Variants in AMDHD1 observed in about 807,000 individuals in gnomAD.
AMDHD1 encodes the protein probable imidazolonepropionase.
A neutral mutation model predicts 44.1 loss-of-function variants in AMDHD1; 45 were observed. The ratio of observed to expected loss-of-function variants is 1.02; its 90% CI spans 0.80 to 1.31. The LOEUF is 1.31. Ranked by LOEUF, AMDHD1 falls within the 50% of genes most tolerant of loss-of-function variation. AMDHD1 has a pLI of 0.00. For synonymous variants in AMDHD1, 206 were observed against 205.0 expected, an observed-to-expected ratio of 1.00 and a Z score of -0.04; for missense variants, 586 against 552.1, an observed-to-expected ratio of 1.06 and a Z score of -0.61.
Position 95,943,388 on chromosome 12 carries a change from C to A in AMDHD1, c.-11C>A. 6.7e-7 allele frequency: 1 copy of A among 1,490,990 alleles called. No homozygotes were observed. Among genetic ancestry groups the A allele is most frequent in the South Asian group, 1.2e-5 (1 of 80,088 alleles). 92.4% of individuals were successfully genotyped at this position (1,490,990 alleles called of 1,614,324 possible). On this transcript the variant is annotated 5_prime_UTR_variant, in exon 1 of 9. Coordinates refer to ENST00000266736, the MANE Select transcript of AMDHD1 (RefSeq NM_152435.3). ...CCGGTGGCCTCCCGGCGACCCTCGG[C>A]GCGAGGCGACATGGCAAGCGGCCAC... is the stretch of plus-strand genomic sequence containing the variant.
intron 1 of AMDHD1, among the ~76,000 whole-genome samples, chr12:95,944,849 T>C (rs1474307797): frequency 6.6e-6 from 1 of 152,176 alleles, no homozygotes. Flanking sequence ...ATTATATCAA[T>C]GCGACCAGGC....
chr12:95,955,035 A>G (rs2080543614), intron 3 of AMDHD1, 60 bp downstream of exon 3: 4 of 1,517,684 alleles, frequency 2.6e-6, no homozygotes, highest in Non-Finnish European at 3.7e-6. Context: ...CTTTTGCTGA[A>G]GAGTTAGTAG....
chr12:95,950,844 T>C (rs1287850819), intron 1 of AMDHD1, among the ~76,000 whole-genome samples: 1 of 150,366 alleles, frequency 6.7e-6, no homozygotes, highest in Non-Finnish European at 1.5e-5. Context: ...GGTCATCATG[T>C]GTCCAGCTAA....
At chr12:95,965,897 A>G (rs1449456058) in intron 7 of AMDHD1, 118 bp downstream of exon 7, 30 of 735,432 alleles carry the variant, frequency 4.1e-5, no homozygotes, top group Non-Finnish European at 6.2e-5. Flanking sequence ...TTTTTCTGTG[A>G]AACAAGAAAA....
intron 1 of AMDHD1, among the ~76,000 whole-genome samples, chr12:95,945,330 A>G (rs1468118065): frequency 1.3e-5 from 2 of 152,194 alleles, no homozygotes; most frequent in African/African-American, 4.8e-5. Context: ...TGTTGGATTT[A>G]TTACAATGAA....
At chr12:95,967,129 T>C (rs1185242828) in intron 8 of AMDHD1, among the ~76,000 whole-genome samples, 1 of 152,206 alleles carries the variant, frequency 6.6e-6, no homozygotes, top group African/African-American at 2.4e-5. Flanking sequence ...AGCAATGTCA[T>C]GTCTTAAATG....
At position 95,943,544 on chromosome 12, in the gene AMDHD1, C is replaced by G. The variant is rs1283743985; in HGVS notation, c.137+9C>G. On this transcript the variant is annotated intron_variant, in intron 1 of 8. Transcript: ENST00000266736. ...AGCCTGGTGGTGGGCAAGTAAGTGGCCGGGCGCGCAGGGTGGGGACCGCCA... is the reference window on the plus strand; with the variant it reads ...AGCCTGGTGGTGGGCAAGTAAGTGGGCGGGCGCGCAGGGTGGGGACCGCCA... The G allele has an allele frequency of 4.2e-6, 6 of 1,444,102 alleles. No homozygotes were observed. The South Asian group carries it at 8.3e-5, about 20-fold the overall frequency. 89.5% of individuals were successfully genotyped at this position (1,444,102 alleles called of 1,614,324 possible). A position where few individuals can be genotyped will look rare whatever the true frequency, so the allele number is the denominator to read the frequency against.
chr12:95,946,484 G>A (rs73373165), intron 1 of AMDHD1, among the ~76,000 whole-genome samples: 563 of 152,044 alleles, frequency 3.7e-3, no homozygotes, highest in African/African-American at 0.013. Context: ...AAAGTCTACT[G>A]GGAAACAAGA....
In AMDHD1 at chr12:95,967,921, AT is replaced by A; in HGVS notation, c.*81del. The A allele has an allele frequency of 1.0e-6, 1 of 953,370 alleles. No individual in the cohort carries two copies. The highest frequency in any genetic ancestry group is 1.6e-6 in the Non-Finnish European group (1 of 643,086). The allele number at this position is 953,370 out of a possible 1,614,324, so 59.1% of individuals were successfully genotyped here. ...ATATTAAAAGTTAAAACACCTTAAT[AT>A]TTACAAGAATTATATCACTTAAACC... On this transcript the variant is annotated 3_prime_UTR_variant, in exon 9 of 9. Transcript: ENST00000266736.
chr12:95,943,502 CGGTGCTGGAAGGCGCCAGCCTGGT>C lies in AMDHD1; in HGVS notation c.109_132del (p.Leu37_Val44del). On this transcript the variant is annotated inframe_deletion, in exon 1 of 9. Coordinates refer to ENST00000266736, the MANE Select transcript of AMDHD1 (RefSeq NM_152435.3). The stretch of plus-strand genomic sequence containing the variant: ...GCGCGGGATGCGCTGCGCAGCCTGG[CGGTGCTGGAAGGCGCCAGCCTGGT>C]GGTGGGCAAGTAAGTGGCCGGGCGC... 6.7e-7 allele frequency: 1 copy of C among 1,496,090 alleles called. No individual in the cohort carries two copies. Among genetic ancestry groups the C allele is most frequent in the Non-Finnish European group, 8.9e-7 (1 of 1,126,376 alleles). 92.7% of individuals were successfully genotyped at this position (1,496,090 alleles called of 1,614,324 possible). A position where few individuals can be genotyped will look rare whatever the true frequency, so the allele number is the denominator to read the frequency against.
At chr12:95,954,736 T>C (rs972646903) in intron 2 of AMDHD1, among the ~76,000 whole-genome samples, 175 bp from the exon 3 acceptor site, 7 of 152,174 alleles carry the variant, frequency 4.6e-5, no homozygotes, top group Non-Finnish European at 8.8e-5. Context: ...AGGGCAGTCT[T>C]CTTTTCTCTC....
In AMDHD1 at chr12:95,967,733, G is replaced by GTT. The variant is rs749703182; in HGVS notation, c.1194-22_1194-21dup. On this transcript the variant is annotated intron_variant, in intron 8 of 8. Transcript: ENST00000266736. ...ACTTGCACACATTGAAGTAATATTT[G>GTT]TTGTTTTTTTTTTTTTTTCTAGATG... The GTT allele has an allele frequency of 1.1e-5, 13 of 1,229,822 alleles. No individual in the cohort carries two copies. The East Asian group carries it at 1.3e-4, about 12-fold the overall frequency. The allele number at this position is 1,229,822 out of a possible 1,614,324, so 76.2% of individuals were successfully genotyped here.
At chr12:95,965,026 C>T (rs1169815853) in intron 6 of AMDHD1, among the ~76,000 whole-genome samples, 1 of 147,486 alleles carries the variant, frequency 6.8e-6, no homozygotes, top group Non-Finnish European at 1.5e-5. Flanking sequence ...TGGCTGGGCA[C>T]AGTGGCTCAT....
At chr12:95,949,662 A>G (rs756206171) in intron 1 of AMDHD1, among the ~76,000 whole-genome samples, 1 of 152,218 alleles carries the variant, frequency 6.6e-6, no homozygotes, top group Non-Finnish European at 1.5e-5. Context: ...TGCAAATAGA[A>G]TCACATAAAA....
chr12:95,957,641 T>TA (rs2080558578), intron 4 of AMDHD1, among the ~76,000 whole-genome samples: 1 of 152,190 alleles, frequency 6.6e-6, no homozygotes, highest in Admixed American at 6.5e-5. Flanking sequence ...AGTGTGGTCT[T>TA]AAACATTGAT....
At chr12:95,947,693 A>C (rs1168658779) in intron 1 of AMDHD1, among the ~76,000 whole-genome samples, 1 of 37,394 alleles carries the variant, frequency 2.7e-5, no homozygotes, top group Non-Finnish European at 4.3e-5. Flanking sequence ...CCGGCCAGCC[A>C]CCCCGTCCGG....
At chr12:95,966,251 T>C in intron 7 of AMDHD1, 97 bp from the exon 8 acceptor site, 1 of 1,414,536 alleles carries the variant, frequency 7.1e-7, no homozygotes, top group Non-Finnish European at 9.7e-7. Context: ...CTCCTATACC[T>C]TTAACTGCCT....
intron 6 of AMDHD1, among the ~76,000 whole-genome samples, chr12:95,964,580 C>G (rs574812016): frequency 1.3e-5 from 2 of 152,216 alleles, no homozygotes; most frequent in Admixed American, 1.3e-4. Context: ...TCCTCACTCT[C>G]TGTCTCTGCT....
intron 1 of AMDHD1, among the ~76,000 whole-genome samples, chr12:95,950,317 C>T (rs779687186): frequency 6.6e-6 from 1 of 152,160 alleles, no homozygotes; most frequent in Non-Finnish European, 1.5e-5. Flanking sequence ...ATCATTATTT[C>T]TTTTCCTATC....
Sources: gnomAD v4.1 joint callset for allele counts (sites outside exome capture counted in the v4.1 genomes callset) on GRCh38, gnomAD v4.1.1 for gene constraint, MANE v1.5 for transcripts, NCBI Gene and HGNC (gene_info 2026-07-23, HGNC 2026-07-21) for gene names.